The following INF2 variants were observed in gnomAD, a reference collection of about 807,000 sequenced individuals.
INF2 encodes the protein inverted formin 2.
In INF2, 43 loss-of-function variants were observed where a neutral mutation model predicts 123.5. That is an observed-to-expected ratio of 0.35 (90% CI 0.27 to 0.45). INF2 has a LOEUF of 0.45. INF2 is among the 20% of genes least tolerant of loss of function. INF2 has a pLI of 1.00. For missense variants in INF2, 1,453 were observed against 1,682.7 expected, an observed-to-expected ratio of 0.86 and a Z score of 2.39; for synonymous variants, 851 against 745.0, an observed-to-expected ratio of 1.14 and a Z score of -2.32.
At position 104,714,498 on chromosome 14, in the gene INF2, G is replaced by A; in HGVS notation, c.3336G>A (p.Lys1112=). 1 of 1,612,754 alleles carries A rather than the reference G, an allele frequency of 6.2e-7. No homozygotes were observed. Among genetic ancestry groups the A allele is most frequent in the East Asian group, 2.2e-5 (1 of 44,878 alleles). The change falls in exon 21 of 23, where the codon AAG becomes AAA. Residue 1112 remains lysine, a synonymous_variant. Transcript: ENST00000392634. ...CTCTGGGAGATGCTCAGGCCCTGAA[G>A]CCCCTCAAGTTCTCCAGCAACCAGC... ...PVTLGDAQAL[K]PLKFSSNQPP...
intron 5 of INF2, 109 bp from the exon 6 acceptor site, chr14:104,705,926 T>C: frequency 7.3e-7 from 1 of 1,374,460 alleles, no homozygotes; most frequent in Non-Finnish European, 1.0e-6. Context: ...TGGCTCAGAG[T>C]CCCAGGTGGG....
chr14:104,707,118 G>GT (rs954315359), intron 7 of INF2, 67 bp downstream of exon 7: 1 of 1,519,896 alleles, frequency 6.6e-7, no homozygotes, highest in African/African-American at 1.4e-5. Context: ...AGACCATGGG[G>GT]GGGGGAGCCT....
intron 5 of INF2, among the ~76,000 whole-genome samples, chr14:104,705,640 G>A (rs1325878677): frequency 6.6e-6 from 1 of 152,188 alleles, no homozygotes; most frequent in Non-Finnish European, 1.5e-5. Flanking sequence ...CCCACCTCAG[G>A]TGTGGTCTTC....
chr14:104,683,158 G>A (rs1008677848), intron 1 of INF2, among the ~76,000 whole-genome samples: 26 of 152,120 alleles, frequency 1.7e-4, no homozygotes, highest in Non-Finnish European at 3.2e-4. Flanking sequence ...AGAGACCTGG[G>A]GGAGGGGTCT....
Position 104,712,569 on chromosome 14 carries a change from G to A in INF2, c.2610+16G>A. ...GCGCCTCCAGGCAAGTGGGCACCTG[G>A]GCCTGGGGCTGGCGGGAGAGGCTGC... On this transcript the variant is annotated intron_variant, in intron 17 of 22. Coordinates refer to ENST00000392634, the MANE Select transcript of INF2 (RefSeq NM_022489.4). 6.2e-7 allele frequency: 1 copy of A among 1,612,546 alleles called. No homozygotes were observed. The highest frequency in any genetic ancestry group is 8.5e-7 in the Non-Finnish European group (1 of 1,179,726).
intron 1 of INF2, among the ~76,000 whole-genome samples, chr14:104,694,031 G>C (rs1454418827): frequency 1.3e-5 from 2 of 152,230 alleles, no homozygotes; most frequent in Non-Finnish European, 2.9e-5. Context: ...GGGACACCCA[G>C]GGCCCCTGCC....
chr14:104,714,780 A>G lies in INF2; in HGVS notation c.3618A>G (p.Thr1206=), dbSNP rs748717940. The G allele has an allele frequency of 2.5e-6, 4 of 1,599,452 alleles. No homozygotes were observed. In the African/African-American group the frequency reaches 5.4e-5, roughly 22 times the overall value. ...DAVTDSSGSG[T]LPRARGRASK... The stretch of plus-strand genomic sequence containing the variant: ...TGACCGACTCCTCGGGGTCGGGCAC[A>G]CTCCCCAGGGCCCGGGGCCGGGCCT... The change falls in exon 21 of 23, where the codon ACA becomes ACG. Residue 1206 remains threonine (T), a synonymous_variant. Coordinates refer to ENST00000392634, the MANE Select transcript of INF2 (RefSeq NM_022489.4).
At chr14:104,715,526 G>A (rs986037680) in intron 22 of INF2, among the ~76,000 whole-genome samples, 186 bp downstream of exon 22, 10 of 152,290 alleles carry the variant, frequency 6.6e-5, no homozygotes, top group Admixed American at 2.6e-4. Flanking sequence ...CTCCCTCTCC[G>A]CAGGTTACCT....
At chr14:104,686,349 T>C (rs1888663590), upstream of INF2, among the ~76,000 whole-genome samples, 1 of 143,338 alleles carries the variant, frequency 7.0e-6, no homozygotes, top group Admixed American at 7.1e-5. Context: ...GGTGAATAGG[T>C]GGATGGGTAG....
chr14:104,713,365 T>C, intron 19 of INF2, 56 bp downstream of exon 19: 1 of 1,560,052 alleles, frequency 6.4e-7, no homozygotes, highest in Non-Finnish European at 8.7e-7. Context: ...TTGTCTGTGC[T>C]CCAGCCTCCC....
intron 11 of INF2, 37 bp from the exon 12 acceptor site, chr14:104,709,583 C>A (rs2140677510): frequency 6.3e-7 from 1 of 1,575,722 alleles, no homozygotes. Context: ...GGGAAGCTGG[C>A]ATGGGGGGAT....
At chr14:104,691,419 G>GC (rs1424018954) in intron 1 of INF2, 12 of 152,188 alleles carry the variant, frequency 7.9e-5, no homozygotes, top group Admixed American at 6.5e-4. Flanking sequence ...TTTTGCTGGT[G>GC]CCTGGAGGTC....
intron 8 of INF2, 113 bp from the exon 9 acceptor site, chr14:104,708,323 T>G (rs948699010): frequency 5.3e-5 from 72 of 1,364,394 alleles, no homozygotes; most frequent in Non-Finnish European, 7.0e-5. Context: ...CTGGACCTAC[T>G]GGGCCCCAGG....
In INF2 at chr14:104,707,290, C is replaced by G. The variant is rs764269951; in HGVS notation, c.1023C>G (p.Leu341=). Reference sequence around the variant, plus strand: ...CCCTGGAGGAAGTGGTTGAGCGGCTCCTGTCTGTCAAGGGGCGACCCAGAC... The same window carrying G: ...CCCTGGAGGAAGTGGTTGAGCGGCTGCTGTCTGTCAAGGGGCGACCCAGAC... ...ECTLEEVVER[L]LSVKGRPRPS... Residue 341 remains leucine, a synonymous_variant, in exon 8 of 23, where the codon CTC becomes CTG. Transcript: ENST00000392634. 23 of 1,609,454 alleles carry G rather than the reference C, an allele frequency of 1.4e-5. No homozygotes were observed. The highest frequency in any genetic ancestry group is 2.0e-5 in the Non-Finnish European group (23 of 1,178,570).
At chr14:104,686,583 A>G (rs73356786), upstream of INF2, among the ~76,000 whole-genome samples, 1,789 of 152,244 alleles carry the variant, frequency 0.012, 37 homozygotes, top group African/African-American at 0.041. Context: ...TCATTCTGTA[A>G]CAATGTCAGA....
At position 104,708,153 on chromosome 14, in the gene INF2, G is replaced by T. The variant is rs575533341; in HGVS notation, c.1735+151G>T. 2.1e-4 allele frequency: 267 copies of T among 1,269,150 alleles called. 2 individuals are homozygous for T. In the African/African-American group the frequency reaches 3.6e-3, roughly 17 times the overall value. 78.6% of individuals were successfully genotyped at this position (1,269,150 alleles called of 1,614,324 possible). A position where few individuals can be genotyped will look rare whatever the true frequency, so the allele number is the denominator to read the frequency against. On this transcript the variant is annotated intron_variant, in intron 8 of 22. Coordinates refer to ENST00000392634, the MANE Select transcript of INF2 (RefSeq NM_022489.4). The stretch of plus-strand genomic sequence containing the variant: ...GGCCCTTGCTCTGGGCTCGGCGCCT[G>T]TGGTTGAGGTGGGGACGGGGGAGGA...
Position 104,710,244 on chromosome 14 carries a change from C to T in INF2, c.2239+56C>T, listed in dbSNP as rs141499415. 6.3e-3 allele frequency: 8,425 copies of T among 1,342,494 alleles called. 39 individuals are homozygous for T. Among genetic ancestry groups the T allele is most frequent in the Middle Eastern group, 8.9e-3 (36 of 4,046 alleles). The allele number at this position is 1,342,494 out of a possible 1,614,324, so 83.2% of individuals were successfully genotyped here. A position where few individuals can be genotyped will look rare whatever the true frequency, so the allele number is the denominator to read the frequency against. On this transcript the variant is annotated intron_variant, in intron 13 of 22. Transcript: ENST00000392634. Reference sequence around the variant, plus strand: ...GGAGGGACAGGCCTCCGAACCGGGGCGGGAGGGCTGCTCGGGGCCCCTGCT... The same window carrying T: ...GGAGGGACAGGCCTCCGAACCGGGGTGGGAGGGCTGCTCGGGGCCCCTGCT...
chr14:104,710,045 G>GT lies in INF2; in HGVS notation c.2139-42dup, dbSNP rs1478275219. 5.4e-6 allele frequency: 8 copies of GT among 1,475,374 alleles called. No individual in the cohort carries two copies. The African/African-American group carries it at 1.1e-4, about 21-fold the overall frequency. 91.4% of individuals were successfully genotyped at this position (1,475,374 alleles called of 1,614,324 possible). ...CTGAGTGCCCCTCTGGCAGGGACAG[G>GT]TGGGGGGTGCAGGCCACTGATCCCT... On this transcript the variant is annotated intron_variant, in intron 12 of 22. Coordinates refer to ENST00000392634, the MANE Select transcript of INF2 (RefSeq NM_022489.4).
At chr14:104,681,644 G>C (rs1888525813) in intron 1 of INF2, 2 of 1,255,324 alleles carry the variant, frequency 1.6e-6, no homozygotes, top group Non-Finnish European at 2.1e-6. Context: ...CAGACACGGG[G>C]GCGGAGAGGT....
Sources: allele counts gnomAD v4.1 joint callset (sites outside exome capture counted in the v4.1 genomes callset), GRCh38; gene constraint gnomAD v4.1.1; transcripts MANE v1.5; gene names NCBI Gene and HGNC (gene_info 2026-07-23, HGNC 2026-07-21).